The following PTPRD variants were observed in gnomAD, a reference collection of about 807,000 sequenced individuals.
PTPRD encodes the protein receptor-type tyrosine-protein phosphatase delta.
A neutral mutation model predicts 214.5 loss-of-function variants in PTPRD; 34 were observed. That is an observed-to-expected ratio of 0.16 (90% CI 0.12 to 0.21). The LOEUF (loss-of-function observed/expected upper bound fraction) is 0.21. Among genes scored for constraint, PTPRD ranks in the 10% least tolerant of loss-of-function variants. PTPRD has a pLI of 1.00. For missense variants in PTPRD, 2,545 were observed against 2,398.7 expected, an observed-to-expected ratio of 1.06 and a Z score of -1.27; for synonymous variants, 1,128 against 845.7, an observed-to-expected ratio of 1.33 and a Z score of -5.79.
intron 8 of PTPRD, 109 bp downstream of exon 8, chr9:9,574,623 A>T (rs112131392): frequency 6.8e-4 from 103 of 152,184 alleles, no homozygotes; most frequent in Non-Finnish European, 1.2e-3. Context: ...ATTTATGGTT[A>T]AATATCAAAT....
intron 7 of PTPRD, among the ~76,000 whole-genome samples, chr9:9,711,330 G>C (rs1221922527): frequency 1.3e-5 from 2 of 152,046 alleles, no homozygotes; most frequent in Admixed American, 1.3e-4. Context: ...TTTCACTTAA[G>C]ACGGCAGTTT....
intron 3 of PTPRD, among the ~76,000 whole-genome samples, chr9:10,231,617 C>T (rs1322880204): frequency 6.6e-6 from 1 of 151,848 alleles, no homozygotes; most frequent in Admixed American, 6.6e-5. Flanking sequence ...CCTCTCTGTA[C>T]CCTTAACACT....
At chr9:10,601,193 A>G (rs1268351344) in intron 2 of PTPRD, among the ~76,000 whole-genome samples, 2 of 151,652 alleles carry the variant, frequency 1.3e-5, no homozygotes, top group South Asian at 2.1e-4. Flanking sequence ...GGCAGAAAAA[A>G]CGAATAGAGT....
At chr9:10,589,871 A>G (rs2132821642) in intron 2 of PTPRD, among the ~76,000 whole-genome samples, 2 of 152,242 alleles carry the variant, frequency 1.3e-5, no homozygotes, top group South Asian at 4.1e-4. Flanking sequence ...AAGAATATTT[A>G]GCATGTTTTA....
intron 4 of PTPRD, among the ~76,000 whole-genome samples, chr9:10,019,974 T>C (rs1207596135): frequency 6.6e-6 from 1 of 152,200 alleles, no homozygotes. Flanking sequence ...AGTTAATTCA[T>C]ATACAGGTTA....
At chr9:10,339,287 A>G (rs189153431) in intron 3 of PTPRD, among the ~76,000 whole-genome samples, 5 of 151,950 alleles carry the variant, frequency 3.3e-5, no homozygotes, top group African/African-American at 7.2e-5. Flanking sequence ...CTTAATTTGC[A>G]TAAAGGCTTT....
intron 10 of PTPRD, among the ~76,000 whole-genome samples, chr9:9,116,518 G>A (rs151243838): frequency 2.6e-5 from 4 of 152,142 alleles, no homozygotes; most frequent in East Asian, 1.9e-4. Context: ...TGATTATGAT[G>A]TACACTATTT....
chr9:10,083,953 G>C (rs1177749670), intron 3 of PTPRD, among the ~76,000 whole-genome samples: 1 of 151,884 alleles, frequency 6.6e-6, no homozygotes, highest in African/African-American at 2.4e-5. Flanking sequence ...TGGAGTTGGG[G>C]ACACCTGAAT....
intron 11 of PTPRD, among the ~76,000 whole-genome samples, chr9:8,748,607 T>G (rs889488243): frequency 6.0e-5 from 9 of 149,974 alleles, no homozygotes; most frequent in Non-Finnish European, 4.4e-5. Flanking sequence ...TCAAAACTAT[T>G]CATTGCATAA....
chr9:10,035,823 T>TA lies in PTPRD; in HGVS notation c.-544-2034dup, dbSNP rs34681377. Among the ~76,000 whole-genome samples the TA allele has an allele frequency of 2.6e-3, 385 of 147,660 alleles. 4 individuals are homozygous for TA. The highest frequency in any genetic ancestry group is 0.011 in the East Asian group (57 of 5,078). On this transcript the variant is annotated intron_variant, in intron 3 of 45. Coordinates refer to ENST00000381196, the MANE Select transcript of PTPRD (RefSeq NM_002839.4). ...GCTCAATAATAAAAGTTTACTTCAT[T>TA]AAAAAAAAAAATAGGCATGAAAAGA...
At chr9:8,568,671 G>C (rs760555729) in intron 14 of PTPRD, among the ~76,000 whole-genome samples, 133 of 152,050 alleles carry the variant, frequency 8.7e-4, no homozygotes, top group Non-Finnish European at 1.3e-3. Context: ...TTTTAATCTG[G>C]TTACAACAAC....
intron 4 of PTPRD, among the ~76,000 whole-genome samples, chr9:9,980,977 A>G (rs10759118): frequency 0.74 from 113,246 of 152,036 alleles, 42,889 homozygotes; most frequent in Middle Eastern, 0.88. Flanking sequence ...CATTCTGCAG[A>G]AAAGTCTCAC....
chr9:8,887,617 T>A (rs2098502374), intron 11 of PTPRD, among the ~76,000 whole-genome samples: 1 of 152,246 alleles, frequency 6.6e-6, no homozygotes, highest in Non-Finnish European at 1.5e-5. Context: ...AACATTTTTT[T>A]ATTGCCCATC....
chr9:10,524,193 T>A (rs1315557598), intron 2 of PTPRD, among the ~76,000 whole-genome samples: 1 of 152,060 alleles, frequency 6.6e-6, no homozygotes, highest in Non-Finnish European at 1.5e-5. Flanking sequence ...ACATGTAAAT[T>A]TGATGTGTTA....
At chr9:10,442,939 G>A (rs574185703) in intron 2 of PTPRD, among the ~76,000 whole-genome samples, 1 of 151,382 alleles carries the variant, frequency 6.6e-6, no homozygotes, top group Non-Finnish European at 1.5e-5. Context: ...TGTTGTATGT[G>A]TAGAAATGAA....
chr9:9,916,986 T>C (rs1274717722), intron 5 of PTPRD, among the ~76,000 whole-genome samples: 2 of 151,516 alleles, frequency 1.3e-5, no homozygotes, highest in Non-Finnish European at 3.0e-5. Flanking sequence ...AAGTTAAGAA[T>C]GAAATTTAAA....
Position 8,667,291 on chromosome 9 carries a change from A to G in PTPRD, c.65-30447T>C, listed in dbSNP as rs1358429201. 2.6e-5 allele frequency among the ~76,000 whole-genome samples: 4 copies of G among 152,212 alleles called. No individual in the cohort carries two copies. In the East Asian group the frequency reaches 7.7e-4, roughly 29 times the overall value. On this transcript the variant is annotated intron_variant, in intron 12 of 45. Coordinates refer to ENST00000381196, the MANE Select transcript of PTPRD (RefSeq NM_002839.4). ...GACGCAGAAGTTGCAGTGAGCCGAG[A>G]TCATGCCATTGCACTCCAGCCTGGG...
chr9:8,405,007 T>C (rs1337260635), intron 35 of PTPRD, among the ~76,000 whole-genome samples: 1 of 152,244 alleles, frequency 6.6e-6, no homozygotes, highest in East Asian at 1.9e-4. Context: ...TCCGGTTCTG[T>C]AAACCTTATT....
intron 3 of PTPRD, among the ~76,000 whole-genome samples, chr9:10,045,827 T>C (rs920543363): frequency 6.6e-6 from 1 of 151,792 alleles, no homozygotes; most frequent in Non-Finnish European, 1.5e-5. Context: ...ACATTTATTT[T>C]CATCAAATGA....
Sources: gnomAD v4.1 joint callset for allele counts (sites outside exome capture counted in the v4.1 genomes callset) on GRCh38, gnomAD v4.1.1 for gene constraint, MANE v1.5 for transcripts, NCBI Gene and HGNC (gene_info 2026-07-23, HGNC 2026-07-21) for gene names.